Variants in CLTRN observed in about 807,000 individuals in gnomAD.
The protein encoded by CLTRN is collectrin.
In CLTRN, 12 loss-of-function variants were observed where a neutral mutation model predicts 14.5. That is an observed-to-expected ratio of 0.83 (90% CI 0.53 to 1.34). The LOEUF (loss-of-function observed/expected upper bound fraction) is 1.34, where lower values mean the gene tolerates loss of function less well. Ranked by LOEUF, CLTRN falls within the 40% of genes most tolerant of loss-of-function variation. The pLI is 0.00. For synonymous variants in CLTRN, 58 were observed against 56.5 expected, an observed-to-expected ratio of 1.03 and a Z score of -0.12; for missense variants, 154 against 165.1, an observed-to-expected ratio of 0.93 and a Z score of 0.37.
At chrX:15,664,624 T>C in intron 1 of CLTRN, 94 bp downstream of exon 1, 1 of 886,746 alleles carries the variant, frequency 1.1e-6, no homozygotes, top group Non-Finnish European at 1.6e-6. Context: ...ACAACATGTC[T>C]GCAGATTTAG....
intron 5 of CLTRN, among the ~76,000 whole-genome samples, chrX:15,638,674 G>C (rs1487181007): frequency 1.8e-5 from 2 of 111,677 alleles, no homozygotes; most frequent in Admixed American, 1.9e-4. Flanking sequence ...CCCTGCATTA[G>C]AGGTACTGGT....
At chrX:15,671,522 C>A (rs1406535020) in intron 1 of CLTRN, among the ~76,000 whole-genome samples, 2 of 111,277 alleles carry the variant, frequency 1.8e-5, no homozygotes, top group African/African-American at 3.3e-5. Context: ...TCTTAGAGGT[C>A]AGAGAGTCTG....
chrX:15,632,811 G>A (rs1483876261), intron 5 of CLTRN, among the ~76,000 whole-genome samples: 1 of 104,649 alleles, frequency 9.6e-6, no homozygotes, highest in Non-Finnish European at 2.0e-5. Flanking sequence ...GTGAACCCGG[G>A]AGGCGGAGCT....
intron 3 of CLTRN, among the ~76,000 whole-genome samples, chrX:15,653,662 A>G (rs1389241039): frequency 1.8e-5 from 2 of 111,729 alleles, no homozygotes; most frequent in Non-Finnish European, 3.8e-5. Context: ...TTTGGTGATG[A>G]TCTTGGAGCT....
At position 15,646,458 on chromosome X, in the gene CLTRN, A is replaced by AACCCCCCCCCCCCC; in HGVS notation, c.204-1430_204-1429insGGGGGGGGGGGGGT. ...CTGGCTCTGGGCCAGAAAACCGCGC[A>AACCCCCCCCCCCCC]CCCACCCCCCCGCCCGACCCCCGCG... On this transcript the variant is annotated intron_variant, in intron 3 of 5. Coordinates refer to ENST00000380342, the MANE Select transcript of CLTRN (RefSeq NM_020665.6). 44 of 228,757 alleles carry AACCCCCCCCCCCCC rather than the reference A, an allele frequency of 1.9e-4. 1 individual carries two copies. The highest frequency in any genetic ancestry group is 4.9e-4 in the Admixed American group (8 of 16,409). 18.9% of individuals were successfully genotyped at this position (228,757 alleles called of 1,213,427 possible). A position where few individuals can be genotyped will look rare whatever the true frequency, so the allele number is the denominator to read the frequency against.
chrX:15,653,106 G>A (rs1929264135), intron 3 of CLTRN, among the ~76,000 whole-genome samples: 1 of 111,333 alleles, frequency 9.0e-6, no homozygotes, highest in South Asian at 3.7e-4. Flanking sequence ...AATAAACAAT[G>A]TAAATAAAAA....
upstream of CLTRN, among the ~76,000 whole-genome samples, chrX:15,667,238 A>AAAATAAATAAAT (rs200000626): frequency 3.2e-4 from 34 of 105,062 alleles, no homozygotes; most frequent in African/African-American, 1.2e-3. Context: ...CTCCATCTCA[A>AAAATAAATAAAT]AAATAAATAA....
chrX:15,645,046 G>C lies in CLTRN; in HGVS notation c.204-17C>G. On this transcript the variant is annotated splice_polypyrimidine_tract_variant and intron_variant, in intron 3 of 5. Transcript: ENST00000380342. ...TGGGAAATTCTGCAGACAGTGGAAA[G>C]AAAAAATACATGAGAAGAATATCAT... The C allele has an allele frequency of 9.6e-7, 1 of 1,036,341 alleles. No individual in the cohort carries two copies. The allele number at this position is 1,036,341 out of a possible 1,213,427, so 85.4% of individuals were successfully genotyped here. A position where few individuals can be genotyped will look rare whatever the true frequency, so the allele number is the denominator to read the frequency against.
At position 15,639,724 on chromosome X, in the gene CLTRN, A is replaced by G; in HGVS notation, c.350T>C (p.Phe117Ser). The G allele has an allele frequency of 2.5e-6, 3 of 1,209,430 alleles. No individual in the cohort carries two copies. The highest frequency in any genetic ancestry group is 3.4e-6 in the Non-Finnish European group (3 of 894,616). The change falls in exon 5 of 6, where the codon TTT (phenylalanine) becomes TCT (serine). Residue 117 changes from phenylalanine to serine, a missense_variant. Transcript: ENST00000380342. ...MNKNRINNAF[F>S]LNDQTLEFLK... The stretch of plus-strand genomic sequence containing the variant: ...AAATTCCAGAGTTTGGTCATTTAGA[A>G]AGAAGGCATTGTTGATCCGGTTCTT...
upstream of CLTRN, among the ~76,000 whole-genome samples, chrX:15,666,700 G>C (rs1929628485): frequency 8.9e-6 from 1 of 111,738 alleles, no homozygotes; most frequent in Non-Finnish European, 1.9e-5. Context: ...ACTAAAAGGA[G>C]AGGGAGCCAC....
Position 15,664,543 on chromosome X carries a change from C to T in CLTRN, c.59-148G>A. 4.5e-6 allele frequency: 3 copies of T among 661,591 alleles called. No individual in the cohort carries two copies. In the South Asian group the frequency reaches 8.6e-5, roughly 19 times the overall value. 54.5% of individuals were successfully genotyped at this position (661,591 alleles called of 1,213,427 possible). On this transcript the variant is annotated intron_variant, in intron 1 of 5. Coordinates refer to ENST00000380342, the MANE Select transcript of CLTRN (RefSeq NM_020665.6). ...CCCCAAATACTCCTGGAAGTTTAAC[C>T]TAAATCATCTTAGATGGTTTAATAT...
intron 3 of CLTRN, chrX:15,646,458 A>ACCCACCCCCCCCCCCCCCCCCCCCCCCCC: frequency 4.4e-6 from 1 of 228,796 alleles, no homozygotes; most frequent in Non-Finnish European, 8.0e-6. Context: ...AAAACCGCGC[A>ACCCACCCCCCCCCCCCCCCCCCCCCCCCC]CCCACCCCCC....
intron 5 of CLTRN, among the ~76,000 whole-genome samples, chrX:15,632,883 C>CA (rs758319942): frequency 0.078 from 3,384 of 43,562 alleles, 273 homozygotes; most frequent in African/African-American, 0.19. Flanking sequence ...GACTCTGTCT[C>CA]AAAAAAAAAA....
chrX:15,629,175 C>T (rs758514186), intron 5 of CLTRN, among the ~76,000 whole-genome samples: 3 of 111,003 alleles, frequency 2.7e-5, no homozygotes, highest in Non-Finnish European at 5.7e-5. Flanking sequence ...TCTTGTCCCA[C>T]GAATTTGTGG....
At chrX:15,646,458 A>AACCCCCCCCCCCCCCCCCCCCCCCCC in intron 3 of CLTRN, 4 of 228,789 alleles carry the variant, frequency 1.7e-5, no homozygotes, top group Admixed American at 6.1e-5. Flanking sequence ...AAAACCGCGC[A>AACCCCCCCCCCCCCCCCCCCCCCCCC]CCCACCCCCC....
chrX:15,665,405 A>T (rs1234446572), upstream of CLTRN, among the ~76,000 whole-genome samples: 1 of 112,155 alleles, frequency 8.9e-6, no homozygotes, highest in Non-Finnish European at 1.9e-5. Flanking sequence ...TGACAAAATA[A>T]TCTGTACACC....
intron 3 of CLTRN, among the ~76,000 whole-genome samples, chrX:15,656,710 G>C (rs1653124735): frequency 9.0e-6 from 1 of 111,060 alleles, no homozygotes; most frequent in African/African-American, 3.3e-5. Flanking sequence ...TTCATGTAGG[G>C]GTGCAGCTTC....
At chrX:15,635,729 C>T (rs771887674) in intron 5 of CLTRN, among the ~76,000 whole-genome samples, 1 of 111,569 alleles carries the variant, frequency 9.0e-6, no homozygotes, top group Admixed American at 9.5e-5. Flanking sequence ...TGGGCAATGA[C>T]CCCAAAAGCA....
At chrX:15,632,630 G>A (rs1287567953) in intron 5 of CLTRN, among the ~76,000 whole-genome samples, 1 of 109,956 alleles carries the variant, frequency 9.1e-6, no homozygotes, top group African/African-American at 3.3e-5. Flanking sequence ...GGTGGCTCGC[G>A]CCTGTAATCC....
Sources: allele counts gnomAD v4.1 joint callset (sites outside exome capture counted in the v4.1 genomes callset), GRCh38; gene constraint gnomAD v4.1.1; transcripts MANE v1.5; gene names NCBI Gene and HGNC (gene_info 2026-07-23, HGNC 2026-07-21).